The following ASPRV1 variants were observed in gnomAD, a reference collection of about 807,000 sequenced individuals.
ASPRV1 encodes the protein aspartic peptidase retroviral like 1.
Under a neutral mutation model 11.0 loss-of-function variants are expected in ASPRV1, and 7 were observed. That is an observed-to-expected ratio of 0.64 (90% CI 0.36 to 1.20). The LOEUF (loss-of-function observed/expected upper bound fraction) is 1.20. Among genes scored for constraint, ASPRV1 ranks in the 50% most tolerant of loss-of-function variants. The probability of loss-of-function intolerance (pLI) is 0.02; values close to 1 mark genes in which losing one functional copy is unlikely to be tolerated. For synonymous variants in ASPRV1, 136 were observed against 138.4 expected (o/e 0.98, Z 0.12); for missense variants, 299 against 320.0 (o/e 0.93, Z 0.50).
At chr2:69,966,315 C>T (rs140834007), upstream of ASPRV1, among the ~76,000 whole-genome samples, 1,133 of 152,384 alleles carry the variant, frequency 7.4e-3, 8 homozygotes, top group Middle Eastern at 0.051. Context: ...CCCAGCCCTC[C>T]GAATTGGGTT....
At chr2:69,951,441 A>AAG in the ASPRV1 span, among the ~76,000 whole-genome samples, 1 of 122,812 alleles carries the variant, frequency 8.1e-6, no homozygotes, top group Non-Finnish European at 1.6e-5. Context: ...AAAAAAAAAA[A>AAG]AGTGAGTGTG....
the ASPRV1 span, chr2:69,939,322 T>G: frequency 1.3e-5 from 2 of 152,656 alleles, no homozygotes; most frequent in East Asian, 3.8e-4. Context: ...TTACTAGAAC[T>G]CCTCTCCTTA....
Position 69,960,596 on chromosome 2 carries a change from C to A in ASPRV1, c.*61G>T, listed in dbSNP as rs1460199981. 4.1e-6 allele frequency: 6 copies of A among 1,475,274 alleles called. No homozygotes were observed. The highest frequency in any genetic ancestry group is 5.5e-6 in the Non-Finnish European group (6 of 1,093,614). 91.4% of individuals were successfully genotyped at this position (1,475,274 alleles called of 1,614,324 possible). On this transcript the variant is annotated 3_prime_UTR_variant, in exon 1 of 1. Transcript: ENST00000320256. ...CAGTGACCCCCATGAGGATATGCAA[C>A]CCCCCCCACAGCGGTGGGTCTTCCC...
chr2:69,997,070 C>T, the ASPRV1 span, among the ~76,000 whole-genome samples: 1 of 151,896 alleles, frequency 6.6e-6, no homozygotes, highest in Non-Finnish European at 1.5e-5. Flanking sequence ...CCTATAGTTC[C>T]AACACTTTGA....
the ASPRV1 span, among the ~76,000 whole-genome samples, chr2:70,077,098 G>T: frequency 6.6e-6 from 1 of 152,092 alleles, no homozygotes; most frequent in Non-Finnish European, 1.5e-5. Flanking sequence ...TACTACACTG[G>T]CTCTACTTCT....
chr2:69,997,000 A>G, the ASPRV1 span: 1 of 253,292 alleles, frequency 3.9e-6, no homozygotes. Flanking sequence ...GCTCTTCTCT[A>G]TTTCTAGGTA....
At chr2:69,966,470 C>G (rs1174206480), upstream of ASPRV1, among the ~76,000 whole-genome samples, 2 of 152,256 alleles carry the variant, frequency 1.3e-5, no homozygotes, top group African/African-American at 4.8e-5. Context: ...TCCCTTCCTC[C>G]CATCCCCTCT....
At position 69,960,595 on chromosome 2, in the gene ASPRV1, A is replaced by AC. The variant is rs139486708; in HGVS notation, c.*61dup. The AC allele has an allele frequency of 0.032, 47,721 of 1,496,660 alleles. 833 individuals are homozygous for AC. Among genetic ancestry groups the AC allele is most frequent in the Non-Finnish European group, 0.037 (41,076 of 1,112,486 alleles). 92.7% of individuals were successfully genotyped at this position (1,496,660 alleles called of 1,614,324 possible). On this transcript the variant is annotated 3_prime_UTR_variant, in exon 1 of 1. Transcript: ENST00000320256. ...CCAGTGACCCCCATGAGGATATGCA[A>AC]CCCCCCCCACAGCGGTGGGTCTTCC...
At chr2:70,038,876 C>G in the ASPRV1 span, among the ~76,000 whole-genome samples, 1 of 151,956 alleles carries the variant, frequency 6.6e-6, no homozygotes, top group Non-Finnish European at 1.5e-5. Flanking sequence ...GTTGGGAGTT[C>G]GAGACCAGCC....
At chr2:70,085,484 G>C in the ASPRV1 span, 4 of 152,184 alleles carry the variant, frequency 2.6e-5, no homozygotes, top group Admixed American at 2.6e-4. Context: ...TCACCTAAAC[G>C]TTTTAAATAG....
chr2:70,047,547 G>A, the ASPRV1 span, among the ~76,000 whole-genome samples: 1 of 152,318 alleles, frequency 6.6e-6, no homozygotes, highest in East Asian at 1.9e-4. Flanking sequence ...AGAAATTCTA[G>A]AAGGTACAGC....
chr2:70,013,102 G>T, the ASPRV1 span, among the ~76,000 whole-genome samples: 1 of 152,198 alleles, frequency 6.6e-6, no homozygotes, highest in African/African-American at 2.4e-5. Context: ...TGATATTATA[G>T]ACTGAAATGT....
the ASPRV1 span, among the ~76,000 whole-genome samples, chr2:69,990,908 C>A: frequency 6.6e-6 from 1 of 152,264 alleles, no homozygotes; most frequent in Admixed American, 6.5e-5. Context: ...CTGAGGTGTA[C>A]CCTGGCAGAG....
At chr2:70,003,808 C>T in the ASPRV1 span, among the ~76,000 whole-genome samples, 1 of 152,198 alleles carries the variant, frequency 6.6e-6, no homozygotes, top group East Asian at 1.9e-4. Context: ...GTGATCAGGC[C>T]ATGGGGCAGA....
At chr2:70,064,451 T>C in the ASPRV1 span, among the ~76,000 whole-genome samples, 1 of 152,156 alleles carries the variant, frequency 6.6e-6, no homozygotes, top group Non-Finnish European at 1.5e-5. Flanking sequence ...TTAATGGCAA[T>C]GCATGCAGAG....
At chr2:69,987,314 C>T in the ASPRV1 span, among the ~76,000 whole-genome samples, 1 of 152,094 alleles carries the variant, frequency 6.6e-6, no homozygotes, top group Non-Finnish European at 1.5e-5. Context: ...TCCTATCCCT[C>T]ATCCCTGGTC....
chr2:69,948,779 GC>G, the ASPRV1 span, among the ~76,000 whole-genome samples: 1 of 142,970 alleles, frequency 7.0e-6, no homozygotes, highest in African/African-American at 3.0e-5. Context: ...CTCTGCCCAC[GC>G]CCCCCGCCTC....
chr2:69,988,677 G>A, the ASPRV1 span: 120 of 422,424 alleles, frequency 2.8e-4, no homozygotes, highest in African/African-American at 2.3e-3. Flanking sequence ...TAAAATGGTC[G>A]ATTTTATGTT....
the ASPRV1 span, among the ~76,000 whole-genome samples, chr2:70,065,852 A>C: frequency 8.9e-6 from 1 of 112,190 alleles, no homozygotes; most frequent in Non-Finnish European, 1.7e-5. Context: ...AAAGAAAGAA[A>C]AAGAAAAGGA....
Sources: allele counts gnomAD v4.1 joint callset (sites outside exome capture counted in the v4.1 genomes callset), GRCh38; gene constraint gnomAD v4.1.1; transcripts MANE v1.5; gene names NCBI Gene and HGNC (gene_info 2026-07-23, HGNC 2026-07-21).